The following NKAIN2 variants were observed in gnomAD, a reference collection of about 807,000 sequenced individuals.
The protein encoded by NKAIN2 is sodium/potassium-transporting ATPase subunit beta-1-interacting protein 2.
NKAIN2 carries 14 observed loss-of-function variants against 32.6 expected under a neutral mutation model. That is an observed-to-expected ratio of 0.43 (90% CI 0.28 to 0.67). The LOEUF (loss-of-function observed/expected upper bound fraction) is 0.67, where lower values mean the gene tolerates loss of function less well. NKAIN2 is among the 30% of genes least tolerant of loss of function. The pLI, the probability that NKAIN2 is intolerant of heterozygous loss-of-function variation, is 0.17. For synonymous variants in NKAIN2, 80 were observed against 87.2 expected, an observed-to-expected ratio of 0.92 and a Z score of 0.46; for missense variants, 198 against 258.3, an observed-to-expected ratio of 0.77 and a Z score of 1.60.
chr6:123,815,603 A>G (rs963740112), intron 1 of NKAIN2, among the ~76,000 whole-genome samples: 3 of 152,176 alleles, frequency 2.0e-5, no homozygotes, highest in Non-Finnish European at 4.4e-5. Flanking sequence ...ATGGGCTTCA[A>G]AAACTTGTGA....
chr6:124,216,053 G>T (rs1791461362), intron 1 of NKAIN2, among the ~76,000 whole-genome samples: 1 of 151,200 alleles, frequency 6.6e-6, no homozygotes, highest in Admixed American at 6.6e-5. Context: ...GGGAGGCAGA[G>T]GTTGCAGTGA....
intron 2 of NKAIN2, among the ~76,000 whole-genome samples, chr6:124,333,707 T>G (rs1335953108): frequency 1.3e-5 from 2 of 151,820 alleles, no homozygotes; most frequent in Non-Finnish European, 2.9e-5. Flanking sequence ...AAAATAAACT[T>G]AAGAAAAATG....
intron 1 of NKAIN2, among the ~76,000 whole-genome samples, chr6:123,850,603 A>G (rs1163551924): frequency 1.3e-5 from 2 of 152,108 alleles, no homozygotes; most frequent in Non-Finnish European, 2.9e-5. Flanking sequence ...TTGTAATTTT[A>G]TTTTAAATGT....
chr6:123,839,898 C>T (rs773241132), intron 1 of NKAIN2, among the ~76,000 whole-genome samples: 2 of 151,948 alleles, frequency 1.3e-5, no homozygotes, highest in Non-Finnish European at 2.9e-5. Flanking sequence ...CTTCAAATGT[C>T]AAGAAAACAA....
intron 3 of NKAIN2, among the ~76,000 whole-genome samples, chr6:124,502,285 T>C (rs1239190301): frequency 6.6e-6 from 1 of 152,154 alleles, no homozygotes; most frequent in Non-Finnish European, 1.5e-5. Flanking sequence ...AAATTAAACA[T>C]GCAATCATTC....
At chr6:123,841,557 C>A (rs1309763910) in intron 1 of NKAIN2, among the ~76,000 whole-genome samples, 2 of 152,130 alleles carry the variant, frequency 1.3e-5, no homozygotes, top group Non-Finnish European at 2.9e-5. Flanking sequence ...TCTTTTATGA[C>A]ATCCATCCAT....
At chr6:124,519,833 T>C (rs768895986) in intron 3 of NKAIN2, among the ~76,000 whole-genome samples, 22 of 152,214 alleles carry the variant, frequency 1.4e-4, no homozygotes, top group Middle Eastern at 3.2e-3. Flanking sequence ...TCTTAATACT[T>C]GCATGTCTTA....
In NKAIN2 at chr6:124,434,313, G is replaced by T. The variant is rs558062354; in HGVS notation, c.273+78966G>T. On this transcript the variant is annotated intron_variant, in intron 3 of 6. Coordinates refer to ENST00000368417, the MANE Select transcript of NKAIN2 (RefSeq NM_001040214.3). ...ACACACATCAGTACATTTCATATGGGTCAGGTTATTTTTTAAAAAAGACAC... is the reference window on the plus strand; with the variant it reads ...ACACACATCAGTACATTTCATATGGTTCAGGTTATTTTTTAAAAAAGACAC... Among the ~76,000 whole-genome samples the T allele has an allele frequency of 2.0e-5, 3 of 152,260 alleles. No homozygotes were observed. In the East Asian group the frequency reaches 5.8e-4, roughly 29 times the overall value.
At chr6:124,185,665 G>T (rs1231783054) in intron 1 of NKAIN2, among the ~76,000 whole-genome samples, 2 of 152,110 alleles carry the variant, frequency 1.3e-5, no homozygotes, top group Non-Finnish European at 2.9e-5. Flanking sequence ...ATAGCATTTT[G>T]TGTGTACAAA....
chr6:124,572,952 G>A (rs776961267), intron 3 of NKAIN2, among the ~76,000 whole-genome samples: 3 of 151,984 alleles, frequency 2.0e-5, no homozygotes, highest in Non-Finnish European at 4.4e-5. Context: ...CAATTCTCAT[G>A]CCTCAGCCTC....
intron 3 of NKAIN2, among the ~76,000 whole-genome samples, chr6:124,611,350 T>TTTTG (rs141225329): frequency 1.0e-3 from 153 of 152,082 alleles, no homozygotes; most frequent in African/African-American, 3.1e-3. Context: ...CGCCATTTTA[T>TTTTG]TTTGTTTGTT....
intron 3 of NKAIN2, among the ~76,000 whole-genome samples, chr6:124,410,790 G>A (rs538107411): frequency 6.6e-5 from 10 of 152,092 alleles, no homozygotes; most frequent in Non-Finnish European, 1.3e-4. Context: ...GTTGACAGTG[G>A]GGTGTTAAAG....
intron 2 of NKAIN2, among the ~76,000 whole-genome samples, chr6:124,341,765 A>G (rs1798124568): frequency 2.0e-5 from 3 of 152,186 alleles, no homozygotes; most frequent in African/African-American, 7.2e-5. Flanking sequence ...AGTTATAATA[A>G]TAGTGTGTTT....
rs1383829903 is a variant in NKAIN2 at position 123,952,144 on chromosome 6, T to C, written c.54+147890T>C. On this transcript the variant is annotated intron_variant, in intron 1 of 6. Transcript: ENST00000368417. ...TGGGATAGACTATATTTCTCCCTCA[T>C]TTATGATGTATACATTTGCAGGGCT... 3.9e-5 allele frequency among the ~76,000 whole-genome samples: 6 copies of C among 152,114 alleles called. No individual in the cohort carries two copies. The East Asian group carries it at 9.7e-4, about 24-fold the overall frequency.
intron 2 of NKAIN2, among the ~76,000 whole-genome samples, chr6:124,346,827 C>T (rs910976597): frequency 6.6e-6 from 1 of 151,756 alleles, no homozygotes; most frequent in African/African-American, 2.4e-5. Flanking sequence ...GCATTTAGTC[C>T]ATTTACATTT....
At chr6:124,068,180 G>A (rs1310909426) in intron 1 of NKAIN2, among the ~76,000 whole-genome samples, 4 of 152,086 alleles carry the variant, frequency 2.6e-5, no homozygotes, top group African/African-American at 4.8e-5. Flanking sequence ...TAATAATAAT[G>A]TACTAGAAAC....
At position 124,223,449 on chromosome 6, in the gene NKAIN2, A is replaced by G. The variant is rs576629561; in HGVS notation, c.55-59556A>G. On this transcript the variant is annotated intron_variant, in intron 1 of 6. Coordinates refer to ENST00000368417, the MANE Select transcript of NKAIN2 (RefSeq NM_001040214.3). The stretch of plus-strand genomic sequence containing the variant: ...AAAGGCAATCAAATCTAGGGTACCT[A>G]GGGTTTCTACCATTGGGTGTCTTTT... 7.9e-5 allele frequency among the ~76,000 whole-genome samples: 12 copies of G among 152,248 alleles called. No homozygotes were observed. In the East Asian group the frequency reaches 2.1e-3, roughly 27 times the overall value.
chr6:123,953,705 T>C (rs1777431422), intron 1 of NKAIN2, among the ~76,000 whole-genome samples: 1 of 152,122 alleles, frequency 6.6e-6, no homozygotes, highest in African/African-American at 2.4e-5. Flanking sequence ...ACCTTTGAGT[T>C]GGAGCCAGGC....
At chr6:124,646,355 G>A (rs1207761250) in intron 3 of NKAIN2, among the ~76,000 whole-genome samples, 1 of 152,014 alleles carries the variant, frequency 6.6e-6, no homozygotes, top group African/African-American at 2.4e-5. Flanking sequence ...AAATCTCAGA[G>A]AGTAAAGAGA....
Sources: gnomAD v4.1 joint callset for allele counts (sites outside exome capture counted in the v4.1 genomes callset) on GRCh38, gnomAD v4.1.1 for gene constraint, MANE v1.5 for transcripts, NCBI Gene and HGNC (gene_info 2026-07-23, HGNC 2026-07-21) for gene names.